CFH: variants seen among roughly 807,000 people sequenced by gnomAD.
The protein encoded by CFH is H factor 1 (complement).
In CFH, 53 loss-of-function variants were observed where a neutral mutation model predicts 147.3. The ratio of observed to expected loss-of-function variants is 0.36; its 90% confidence interval spans 0.29 to 0.45. CFH has a LOEUF of 0.45. Among genes scored for constraint, CFH ranks in the 20% least tolerant of loss-of-function variants. CFH has a pLI of 1.00. For missense variants in CFH, 1,380 were observed against 1,498.0 expected (o/e 0.92, Z 1.30); for synonymous variants, 536 against 489.4 (o/e 1.10, Z -1.26).
intron 1 of CFH, among the ~76,000 whole-genome samples, chr1:196,659,014 T>G (rs1214938388): frequency 1.3e-5 from 2 of 152,238 alleles, no homozygotes; most frequent in Admixed American, 6.5e-5. Context: ...TACTTAGATA[T>G]GATGGCTTAG....
intron 8 of CFH, 37 bp downstream of exon 8, chr1:196,689,651 A>C: frequency 6.2e-7 from 1 of 1,604,738 alleles, no homozygotes. Flanking sequence ...ATATGTATAA[A>C]ACTTTCAAAG....
intron 1 of CFH, among the ~76,000 whole-genome samples, chr1:196,662,590 T>G (rs1666945104): frequency 6.6e-6 from 1 of 152,140 alleles, no homozygotes; most frequent in Non-Finnish European, 1.5e-5. Flanking sequence ...CTCTCAAATT[T>G]TATTAATCAG....
At chr1:196,669,016 C>A (rs1667189437) in intron 1 of CFH, among the ~76,000 whole-genome samples, 1 of 152,086 alleles carries the variant, frequency 6.6e-6, no homozygotes, top group African/African-American at 2.4e-5. Flanking sequence ...TGCTTTAGAC[C>A]AAAATGCTGA....
intron 11 of CFH, among the ~76,000 whole-genome samples, chr1:196,717,930 T>C (rs976736977): frequency 6.6e-6 from 1 of 152,002 alleles, no homozygotes; most frequent in Non-Finnish European, 1.5e-5. Context: ...CGTTGGAAAA[T>C]GGTAGAAGCT....
In CFH at chr1:196,700,993, T is replaced by C. The variant is rs568171221; in HGVS notation, c.1336+10754T>C. 56 of 358,402 alleles carry C rather than the reference T, an allele frequency of 1.6e-4. No individual in the cohort carries two copies. In the East Asian group the frequency reaches 8.6e-3, roughly 55 times the overall value. The allele number at this position is 358,402 out of a possible 1,614,324, so 22.2% of individuals were successfully genotyped here. The stretch of plus-strand genomic sequence containing the variant: ...TCTTGTGGCCTCTTTGAGGTCTTGT[T>C]GACACTCCCTAAGTCTAGGTAGGAA... On this transcript the variant is annotated intron_variant, in intron 9 of 21. Coordinates refer to ENST00000367429, the MANE Select transcript of CFH (RefSeq NM_000186.4).
At chr1:196,735,802 T>C (rs1159301902) in intron 15 of CFH, among the ~76,000 whole-genome samples, 49 of 152,172 alleles carry the variant, frequency 3.2e-4, no homozygotes. Flanking sequence ...TTGATAAATA[T>C]GAAATACTTT....
At chr1:196,700,737 T>G in intron 9 of CFH, 1 of 713,454 alleles carries the variant, frequency 1.4e-6, no homozygotes, top group Non-Finnish European at 1.7e-6. Flanking sequence ...AGTGCCCCCA[T>G]GCCACTGGGG....
intron 7 of CFH, among the ~76,000 whole-genome samples, chr1:196,688,363 T>G (rs1667899642): frequency 6.6e-6 from 1 of 152,076 alleles, no homozygotes; most frequent in Non-Finnish European, 1.5e-5. Flanking sequence ...CAAAATTATT[T>G]TTCTCTCCAA....
At chr1:196,684,012 A>T (rs765498159) in intron 6 of CFH, among the ~76,000 whole-genome samples, 11 of 151,964 alleles carry the variant, frequency 7.2e-5, no homozygotes, top group Non-Finnish European at 1.3e-4. Flanking sequence ...GTGGTCATAT[A>T]GTTTTTCTAC....
chr1:196,722,523 C>T (rs1669025279), intron 11 of CFH, among the ~76,000 whole-genome samples: 1 of 152,016 alleles, frequency 6.6e-6, no homozygotes, highest in African/African-American at 2.4e-5. Context: ...TATAATTTTT[C>T]CCGTTCACAT....
chr1:196,701,464 T>C, intron 9 of CFH: 1 of 1,346,008 alleles, frequency 7.4e-7, no homozygotes, highest in East Asian at 2.3e-5. Context: ...TTTTGTTATG[T>C]GTGTATTATT....
intron 1 of CFH, among the ~76,000 whole-genome samples, chr1:196,672,478 AT>A (rs1353806182): frequency 1.3e-5 from 2 of 152,044 alleles, no homozygotes; most frequent in African/African-American, 4.8e-5. Flanking sequence ...TATCATGCTA[AT>A]TTTTGTAAAT....
intron 9 of CFH, among the ~76,000 whole-genome samples, chr1:196,703,722 C>A (rs754450907): frequency 6.6e-6 from 1 of 152,048 alleles, no homozygotes; most frequent in Non-Finnish European, 1.5e-5. Context: ...CGGTGGCTCA[C>A]TCCTGTAATG....
At chr1:196,684,430 C>T (rs1478559741) in intron 6 of CFH, among the ~76,000 whole-genome samples, 1 of 151,900 alleles carries the variant, frequency 6.6e-6, no homozygotes. Flanking sequence ...CATTCATGTT[C>T]ACTGTCAATG....
intron 9 of CFH, among the ~76,000 whole-genome samples, chr1:196,700,674 G>GA (rs1258387181): frequency 8.1e-5 from 12 of 147,612 alleles, no homozygotes; most frequent in Admixed American, 4.0e-4. Flanking sequence ...AAAAAGAAAA[G>GA]AAAAAAAAAT....
chr1:196,699,493 TTCTC>T (rs1668388681), intron 9 of CFH, among the ~76,000 whole-genome samples: 1 of 152,228 alleles, frequency 6.6e-6, no homozygotes, highest in Non-Finnish European at 1.5e-5. Context: ...AGCTTTACTT[TTCTC>T]TCTAATAGTC....
intron 15 of CFH, among the ~76,000 whole-genome samples, chr1:196,731,213 C>A (rs764046205): frequency 2.0e-5 from 3 of 151,598 alleles, no homozygotes; most frequent in Non-Finnish European, 3.0e-5. Flanking sequence ...AGGATTTTTT[C>A]TTTTAATCTT....
intron 11 of CFH, among the ~76,000 whole-genome samples, chr1:196,715,970 G>A (rs1668860803): frequency 6.6e-6 from 1 of 151,964 alleles, no homozygotes; most frequent in African/African-American, 2.4e-5. Context: ...CTTCCTATGG[G>A]CCACCTACCT....
At chr1:196,742,103 A>G in intron 19 of CFH, 52 bp downstream of exon 19, 1 of 1,567,716 alleles carries the variant, frequency 6.4e-7, no homozygotes, top group Non-Finnish European at 8.8e-7. Context: ...GGCCCAGCCC[A>G]GTGGCTGGCG....
Sources: allele counts gnomAD v4.1 joint callset (sites outside exome capture counted in the v4.1 genomes callset), GRCh38; gene constraint gnomAD v4.1.1; transcripts MANE v1.5; gene names NCBI Gene and HGNC (gene_info 2026-07-23, HGNC 2026-07-21).